SMYD3: variants seen among roughly 807,000 people sequenced by gnomAD.
The protein encoded by SMYD3 is histone-lysine N-methyltransferase SMYD3.
A neutral mutation model predicts 57.7 loss-of-function variants in SMYD3; 36 were observed. That is an observed-to-expected ratio of 0.62 (90% CI 0.48 to 0.82). The LOEUF is 0.82. Ranked by LOEUF, SMYD3 falls within the 40% of genes least tolerant of loss-of-function variation. The pLI is 0.00. For missense variants in SMYD3, 515 were observed against 538.8 expected, an observed-to-expected ratio of 0.96 and a Z score of 0.44; for synonymous variants, 211 against 195.0, an observed-to-expected ratio of 1.08 and a Z score of -0.68.
chr1:246,172,094 G>A (rs2062345424), intron 5 of SMYD3, among the ~76,000 whole-genome samples: 1 of 152,186 alleles, frequency 6.6e-6, no homozygotes, highest in Admixed American at 6.5e-5. Context: ...AGGACTACAA[G>A]TTGCTCTCCG....
intron 1 of SMYD3, among the ~76,000 whole-genome samples, chr1:246,448,241 T>G (rs1388100542): frequency 6.6e-6 from 1 of 152,142 alleles, no homozygotes; most frequent in African/African-American, 2.4e-5. Flanking sequence ...ACATAATCTC[T>G]TACATGATCA....
At chr1:246,360,416 A>T (rs1362003407) in intron 1 of SMYD3, among the ~76,000 whole-genome samples, 1 of 152,092 alleles carries the variant, frequency 6.6e-6, no homozygotes, top group Non-Finnish European at 1.5e-5. Context: ...TTCCCATCTA[A>T]ACACCACTAT....
intron 5 of SMYD3, among the ~76,000 whole-genome samples, chr1:246,186,153 A>C (rs1379258012): frequency 6.6e-6 from 1 of 152,234 alleles, no homozygotes; most frequent in African/African-American, 2.4e-5. Flanking sequence ...AAAGCAAAAT[A>C]ATGATTCTCA....
intron 5 of SMYD3, among the ~76,000 whole-genome samples, chr1:246,217,899 C>T (rs2063189406): frequency 6.6e-6 from 1 of 152,070 alleles, no homozygotes. Context: ...AATAAGCATA[C>T]TCATGGCCCA....
At chr1:245,783,719 A>G (rs888216854) in intron 10 of SMYD3, among the ~76,000 whole-genome samples, 2 of 152,244 alleles carry the variant, frequency 1.3e-5, no homozygotes, top group African/African-American at 4.8e-5. Flanking sequence ...CAACCCACGT[A>G]AATTAATTAT....
intron 5 of SMYD3, among the ~76,000 whole-genome samples, chr1:246,141,987 G>T (rs930331777): frequency 3.9e-5 from 6 of 152,206 alleles, no homozygotes; most frequent in African/African-American, 1.4e-4. Flanking sequence ...TAAGCAAAAA[G>T]AACTTGCTCA....
At chr1:245,929,812 G>A in intron 6 of SMYD3, 58 bp downstream of exon 6, 1 of 1,391,538 alleles carries the variant, frequency 7.2e-7, no homozygotes, top group Non-Finnish European at 1.0e-6. Flanking sequence ...CAAAGGGCTG[G>A]GGATTTGGGT....
chr1:246,474,292 G>A (rs918275109), intron 1 of SMYD3, among the ~76,000 whole-genome samples: 1 of 152,158 alleles, frequency 6.6e-6, no homozygotes, highest in African/African-American at 2.4e-5. Flanking sequence ...GGCCAAGGCG[G>A]GTGGATCATG....
At chr1:246,436,879 G>C (rs2067383615) in intron 1 of SMYD3, among the ~76,000 whole-genome samples, 1 of 151,064 alleles carries the variant, frequency 6.6e-6, no homozygotes, top group Non-Finnish European at 1.5e-5. Context: ...TAGGGAATAA[G>C]GGTCCTGCCA....
chr1:246,494,108 T>G (rs1394513904), intron 1 of SMYD3, among the ~76,000 whole-genome samples: 1 of 152,220 alleles, frequency 6.6e-6, no homozygotes, highest in Non-Finnish European at 1.5e-5. Flanking sequence ...ATCTTCCATG[T>G]GCACCTCATA....
intron 5 of SMYD3, among the ~76,000 whole-genome samples, chr1:245,984,045 G>C (rs1218281481): frequency 6.7e-6 from 1 of 149,406 alleles, no homozygotes; most frequent in Non-Finnish European, 1.5e-5. Context: ...TGTTGCCCAG[G>C]CTGGAGTGCA....
chr1:245,803,017 A>G (rs1422897281), intron 10 of SMYD3, among the ~76,000 whole-genome samples: 1 of 152,250 alleles, frequency 6.6e-6, no homozygotes, highest in Non-Finnish European at 1.5e-5. Context: ...ACTGCCAGAA[A>G]TGAGTTAAAA....
chr1:246,194,301 C>T lies in SMYD3; in HGVS notation c.531+132900G>A, dbSNP rs183232008. 5.6e-4 allele frequency among the ~76,000 whole-genome samples: 84 copies of T among 151,310 alleles called. 1 individual carries two copies. The highest frequency in any genetic ancestry group is 2.0e-3 in the African/African-American group (82 of 41,190). The stretch of plus-strand genomic sequence containing the variant: ...TTTTTTTTTTGACATGGAGGCTCGC[C>T]CAGTCACCCAGGCTGGAGTGCAGTA... On this transcript the variant is annotated intron_variant, in intron 5 of 11. Transcript: ENST00000490107.
At chr1:246,103,543 C>T (rs1190230751) in intron 5 of SMYD3, among the ~76,000 whole-genome samples, 11 of 152,212 alleles carry the variant, frequency 7.2e-5, no homozygotes, top group African/African-American at 2.6e-4. Flanking sequence ...TTTATTCCCT[C>T]CTCTAAATTC....
chr1:245,779,126 C>G (rs2046728989), intron 10 of SMYD3, among the ~76,000 whole-genome samples: 1 of 149,494 alleles, frequency 6.7e-6, no homozygotes, highest in African/African-American at 2.5e-5. Context: ...GGCCACTGCA[C>G]TCCAGCTTGG....
intron 2 of SMYD3, among the ~76,000 whole-genome samples, chr1:246,348,060 T>TTATATATATATATATATATATA (rs200573424): frequency 0.012 from 997 of 82,748 alleles, 63 homozygotes; most frequent in African/African-American, 0.033. Flanking sequence ...AAAGAAAACG[T>TTATATATATATATATATATATA]TATATATATA....
At chr1:246,178,941 C>A in intron 5 of SMYD3, 1 of 152,818 alleles carries the variant, frequency 6.5e-6, no homozygotes, top group South Asian at 2.0e-4. Context: ...TGAAACTACC[C>A]AGGCCTTAGG....
At chr1:245,813,005 C>CTTTTTT (rs770448717) in intron 10 of SMYD3, among the ~76,000 whole-genome samples, 1 of 75,648 alleles carries the variant, frequency 1.3e-5, no homozygotes, top group South Asian at 5.5e-4. Context: ...GAGACAGCTT[C>CTTTTTT]TTTTTTTTTT....
rs1227538834 is a variant in SMYD3 at position 246,202,031 on chromosome 1, A to G, written c.531+125170T>C. 6.6e-6 allele frequency among the ~76,000 whole-genome samples: 1 copy of G among 151,972 alleles called. No homozygotes were observed. The highest frequency in any genetic ancestry group is 2.4e-5 in the African/African-American group (1 of 41,400). ...CTCAATTTAAAAAAAAAAAACAAAAAAAAGCCATTTTTAAATGATTTATAC... is the reference window on the plus strand; with the variant it reads ...CTCAATTTAAAAAAAAAAAACAAAAGAAAGCCATTTTTAAATGATTTATAC... On this transcript the variant is annotated intron_variant, in intron 5 of 11. Transcript: ENST00000490107. This position sits in a 1 kb window ranked among gnomAD's most constrained non-coding sequence, Gnocchi z 4.1.
Sources: gnomAD v4.1 joint callset for allele counts (sites outside exome capture counted in the v4.1 genomes callset) on GRCh38, gnomAD v4.1.1 for gene constraint, Gnocchi (gnomAD v3.1) non-coding constraint, MANE v1.5 for transcripts, NCBI Gene and HGNC (gene_info 2026-07-23, HGNC 2026-07-21) for gene names.